Variants in ZMYM1 observed in about 807,000 individuals in gnomAD.
ZMYM1 encodes zinc finger MYM-type containing 1.
A neutral mutation model predicts 60.0 loss-of-function variants in ZMYM1; 39 were observed. That is an observed-to-expected ratio of 0.65 (90% CI 0.50 to 0.85). The LOEUF is 0.85. Among genes scored for constraint, ZMYM1 ranks in the 40% least tolerant of loss-of-function variants. ZMYM1 has a pLI of 0.00. For missense variants in ZMYM1, 1,171 were observed against 1,309.5 expected, an observed-to-expected ratio of 0.89 and a Z score of 1.63; for synonymous variants, 413 against 454.0, an observed-to-expected ratio of 0.91 and a Z score of 1.15.
chr1:35,113,339 G>GA lies in ZMYM1; in HGVS notation c.1516dup (p.Thr506AsnfsTer9), dbSNP rs772297962. 5 of 1,612,136 alleles carry GA rather than the reference G, an allele frequency of 3.1e-6. No individual in the cohort carries two copies. In the South Asian group the frequency reaches 5.5e-5, roughly 18 times the overall value. On this transcript the variant is annotated frameshift_variant, in exon 10 of 10. Transcript: ENST00000359858. LOFTEE classifies it high-confidence loss of function. ...TTGCAACCCACGGAACTTCTAATTG[G>GA]AAAAAAACCCTGGAAAAATTCAGAA...
Position 35,112,183 on chromosome 1 carries a change from T to C in ZMYM1, c.1146+53T>C. The C allele has an allele frequency of 3.8e-6, 6 of 1,571,476 alleles. No homozygotes were observed. In the South Asian group the frequency reaches 6.7e-5, roughly 17 times the overall value. On this transcript the variant is annotated intron_variant, in intron 9 of 9. Coordinates refer to ENST00000359858, the MANE Select transcript of ZMYM1 (RefSeq NM_024772.5). The stretch of plus-strand genomic sequence containing the variant: ...CTTTTTTTAATAAGCAGATTTTTGT[T>C]GTTGTTGTTGTTGAGACAGAGTCTC...
intron 1 of ZMYM1, among the ~76,000 whole-genome samples, chr1:35,079,803 C>T (rs1026373476): frequency 3.3e-5 from 5 of 152,150 alleles, no homozygotes; most frequent in African/African-American, 4.8e-5. Context: ...CTTCATTGAG[C>T]AGTGATTTTT....
chr1:35,075,293 C>G (rs1048371129), upstream of ZMYM1, among the ~76,000 whole-genome samples: 1 of 151,970 alleles, frequency 6.6e-6, no homozygotes, highest in African/African-American at 2.4e-5. Flanking sequence ...TGAGGTGAGT[C>G]TCTTGTAGGC....
intron 1 of ZMYM1, among the ~76,000 whole-genome samples, chr1:35,069,878 T>C (rs1310464150): frequency 6.6e-6 from 1 of 152,248 alleles, no homozygotes; most frequent in African/African-American, 2.4e-5. Context: ...GGCACCTTTG[T>C]TGAAAATCAG....
At chr1:35,070,806 G>A (rs1235905411) in intron 1 of ZMYM1, among the ~76,000 whole-genome samples, 1 of 151,264 alleles carries the variant, frequency 6.6e-6, no homozygotes, top group Non-Finnish European at 1.5e-5. Context: ...AACTTCTTGA[G>A]GGTTTTTTTT....
intron 4 of ZMYM1, among the ~76,000 whole-genome samples, chr1:35,100,140 C>T (rs183025660): frequency 5.8e-4 from 89 of 152,254 alleles, no homozygotes; most frequent in African/African-American, 2.1e-3. Flanking sequence ...ATCTGCTTTC[C>T]TCGGCCTCCC....
chr1:35,101,797 C>T (rs1333726368), intron 4 of ZMYM1, among the ~76,000 whole-genome samples: 4 of 151,698 alleles, frequency 2.6e-5, no homozygotes, highest in African/African-American at 4.8e-5. Context: ...GTGATCTGCC[C>T]ACCTTGGCCT....
intron 1 of ZMYM1, among the ~76,000 whole-genome samples, chr1:35,092,294 G>A (rs1445798623): frequency 6.6e-6 from 1 of 151,636 alleles, no homozygotes; most frequent in South Asian, 2.1e-4. Flanking sequence ...GTGCAGTGGT[G>A]CGATCTCAGT....
chr1:35,096,375 A>G (rs1048658064), intron 3 of ZMYM1, among the ~76,000 whole-genome samples: 5 of 151,640 alleles, frequency 3.3e-5, no homozygotes, highest in Non-Finnish European at 7.4e-5. Context: ...CTGTAATCCC[A>G]ACATTTTGGG....
rs180797288 is a variant in ZMYM1, at chr1:35,103,054, T to C, written c.420-1241T>C. On this transcript the variant is annotated intron_variant, in intron 4 of 9. Transcript: ENST00000359858. Reference sequence around the variant, plus strand: ...ACATTTTGGTGCCACTGCCTTGATTTCTGCTAAGGCTCTGACGGTTTTACC... The same window carrying C: ...ACATTTTGGTGCCACTGCCTTGATTCCTGCTAAGGCTCTGACGGTTTTACC... Among the ~76,000 whole-genome samples, 3 of 152,350 alleles carry C rather than the reference T, an allele frequency of 2.0e-5. No individual in the cohort carries two copies. In the East Asian group the frequency reaches 5.8e-4, roughly 29 times the overall value.
upstream of ZMYM1, among the ~76,000 whole-genome samples, chr1:35,077,715 C>T (rs1642191256): frequency 6.6e-6 from 1 of 152,188 alleles, no homozygotes; most frequent in South Asian, 2.1e-4. Flanking sequence ...TCCTACCTAA[C>T]CAATCAGCGC....
At chr1:35,082,456 G>A (rs575784716) in intron 1 of ZMYM1, among the ~76,000 whole-genome samples, 7 of 151,372 alleles carry the variant, frequency 4.6e-5, no homozygotes, top group Admixed American at 2.6e-4. Context: ...TCAGCTTCCC[G>A]AGTAGCTGGG....
intron 1 of ZMYM1, among the ~76,000 whole-genome samples, chr1:35,067,574 C>T (rs981050940): frequency 6.6e-6 from 1 of 152,066 alleles, no homozygotes; most frequent in African/African-American, 2.4e-5. Context: ...CACAAATCAC[C>T]ACTAAAGAAC....
intron 3 of ZMYM1, among the ~76,000 whole-genome samples, chr1:35,096,761 A>C (rs1316189003): frequency 2.0e-5 from 3 of 152,062 alleles, no homozygotes; most frequent in Non-Finnish European, 4.4e-5. Flanking sequence ...AGGGCAGTGC[A>C]TGATCTCGCC....
Position 35,114,923 on chromosome 1 carries a change from A to G in ZMYM1, c.3093A>G (p.Arg1031=). 6.2e-7 allele frequency: 1 copy of G among 1,613,254 alleles called. No homozygotes were observed. Among genetic ancestry groups the G allele is most frequent in the African/African-American group, 1.3e-5 (1 of 75,060 alleles). Residue 1031 remains arginine, a synonymous_variant, in exon 10 of 10, where the codon CGA becomes CGG. Transcript: ENST00000359858. ...EDIIPELRFY[R]HYAKLNFVID... ...TTATCCCAGAACTTAGATTTTATCG[A>G]CATTATGCAAAGCTTAACTTTGTCA...
At chr1:35,092,438 G>T (rs1300135609) in intron 1 of ZMYM1, among the ~76,000 whole-genome samples, 5 of 148,310 alleles carry the variant, frequency 3.4e-5, no homozygotes, top group African/African-American at 1.0e-4. Flanking sequence ...ACGGGGTTTC[G>T]CCTTGTTTGC....
At chr1:35,106,056 A>C (rs1277425515) in intron 6 of ZMYM1, among the ~76,000 whole-genome samples, 2 of 152,080 alleles carry the variant, frequency 1.3e-5, no homozygotes, top group Non-Finnish European at 2.9e-5. Context: ...GGAGTTCAGA[A>C]CCAGCCTGAG....
downstream of ZMYM1, among the ~76,000 whole-genome samples, chr1:35,116,867 G>A (rs372126300): frequency 1.1e-3 from 99 of 86,798 alleles, no homozygotes; most frequent in African/African-American, 4.0e-3. Flanking sequence ...TTTTTGAGAC[G>A]GAGTCTCGCT....
At position 35,094,010 on chromosome 1, in the gene ZMYM1, G is replaced by GT; in HGVS notation, c.24dup (p.Glu9Ter). 1 of 1,609,140 alleles carries GT rather than the reference G, an allele frequency of 6.2e-7. No individual in the cohort carries two copies. Among genetic ancestry groups the GT allele is most frequent in the Non-Finnish European group, 8.5e-7 (1 of 1,177,342 alleles). ...AAAATGAAAGAACCACTTTTAGGTGGTGAGTGTGACAAGGCAGTGGCATCA... is the reference window on the plus strand; with the variant it reads ...AAAATGAAAGAACCACTTTTAGGTGGTTGAGTGTGACAAGGCAGTGGCATCA... On this transcript the variant is annotated frameshift_variant, in exon 2 of 10. Transcript: ENST00000359858. LOFTEE classifies it high-confidence loss of function.
Sources: allele counts gnomAD v4.1 joint callset (sites outside exome capture counted in the v4.1 genomes callset), GRCh38; gene constraint gnomAD v4.1.1; transcripts MANE v1.5; gene names NCBI Gene and HGNC (gene_info 2026-07-23, HGNC 2026-07-21).